Variants in RIF1 observed in about 807,000 individuals in gnomAD.
RIF1 encodes replication timing regulatory factor 1, also known as telomere-associated protein RIF1.
In RIF1, 45 loss-of-function variants were observed where a neutral mutation model predicts 247.1. That is an observed-to-expected ratio of 0.18 (90% CI 0.14 to 0.23). The LOEUF (loss-of-function observed/expected upper bound fraction) is 0.23, where lower values mean the gene tolerates loss of function less well. Ranked by LOEUF, RIF1 falls within the 10% of genes least tolerant of loss-of-function variation. The pLI is 1.00. For missense variants in RIF1, 2,967 were observed against 2,862.5 expected (o/e 1.04, Z -0.83); for synonymous variants, 1,087 against 978.8 (o/e 1.11, Z -2.06).
the RIF1 span, chr2:151,524,299 C>CAT: frequency 6.2e-7 from 1 of 1,607,708 alleles, no homozygotes; most frequent in African/African-American, 1.3e-5. Flanking sequence ...CCAGTGCACC[C>CAT]ATCTGCATTA....
Position 151,465,126 on chromosome 2 carries a change from C to T in RIF1, c.5606C>T (p.Ser1869Leu), listed in dbSNP as rs762531869. 20 of 1,612,416 alleles carry T rather than the reference C, an allele frequency of 1.2e-5. No individual in the cohort carries two copies. The highest frequency in any genetic ancestry group is 1.2e-4 in the African/African-American group (9 of 74,588). Residue 1869 changes from serine (S) to leucine (L), a missense_variant, in exon 30 of 36, where the codon TCG becomes TTG. Ser to Leu is a moderately radical substitution (Grantham distance 145). Transcript: ENST00000444746. ...ACTGTTGGCCCGTGTTTAGGAGACT[C>T]GAAAAATGTTTCACAGGAATCTTTG... ...FKTVGPCLGD[S>L]KNVSQESLET...
rs562180113 is a variant in RIF1 at position 151,457,696 on chromosome 2, G to A, written c.2653-65G>A. On this transcript the variant is annotated intron_variant, in intron 23 of 35. Transcript: ENST00000444746. The stretch of plus-strand genomic sequence containing the variant: ...TGTCTTAATTTTAAAAATTGAAATA[G>A]CAACATATATTCTGTGAGTTAATAT... 2.2e-5 allele frequency: 26 copies of A among 1,202,198 alleles called. No individual in the cohort carries two copies. In the Admixed American group the frequency reaches 3.5e-4, roughly 16 times the overall value. 74.5% of individuals were successfully genotyped at this position (1,202,198 alleles called of 1,614,324 possible). A position where few individuals can be genotyped will look rare whatever the true frequency, so the allele number is the denominator to read the frequency against.
chr2:151,458,684 AC>A (rs1695635007), intron 24 of RIF1, 126 bp from the exon 25 acceptor site: 1 of 467,050 alleles, frequency 2.1e-6, no homozygotes, highest in South Asian at 5.2e-5. Context: ...ATAGTAAGGA[AC>A]AGTCTTTATT....
chr2:151,513,514 G>A, the RIF1 span: 1 of 1,147,808 alleles, frequency 8.7e-7, no homozygotes, highest in East Asian at 2.5e-5. Context: ...ATGACAGAGG[G>A]ACACTTTATG....
chr2:151,425,955 AG>A (rs1411828281), intron 8 of RIF1, among the ~76,000 whole-genome samples: 1 of 151,700 alleles, frequency 6.6e-6, no homozygotes, highest in African/African-American at 2.4e-5. Context: ...CTGGGATTGC[AG>A]GCGTGAGCCA....
At position 151,460,082 on chromosome 2, in the gene RIF1, C is replaced by CA; in HGVS notation, c.3041dup (p.Asn1015GlufsTer2). ...AAAAGAGATTCATTTTTGGCACAAA[C>CA]AAAGAATAAAAAAGAAAATATGAAA... is the stretch of plus-strand genomic sequence containing the variant. On this transcript the variant is annotated frameshift_variant, in exon 26 of 36. Transcript: ENST00000444746. LOFTEE classifies it high-confidence loss of function. 1 of 1,568,802 alleles carries CA rather than the reference C, an allele frequency of 6.4e-7. No homozygotes were observed. The highest frequency in any genetic ancestry group is 2.3e-5 in the East Asian group (1 of 43,748).
chr2:151,517,154 G>A, the RIF1 span, among the ~76,000 whole-genome samples: 1 of 152,132 alleles, frequency 6.6e-6, no homozygotes, highest in Non-Finnish European at 1.5e-5. Context: ...TAAAAAACCT[G>A]ACAGTCTCAA....
Position 151,442,005 on chromosome 2 carries a change from A to C in RIF1, c.1734+14A>C. The C allele has an allele frequency of 1.8e-6, 2 of 1,119,696 alleles. No homozygotes were observed. The allele number at this position is 1,119,696 out of a possible 1,614,324, so 69.4% of individuals were successfully genotyped here. A position where few individuals can be genotyped will look rare whatever the true frequency, so the allele number is the denominator to read the frequency against. On this transcript the variant is annotated intron_variant, in intron 16 of 35. Coordinates refer to ENST00000444746, the MANE Select transcript of RIF1 (RefSeq NM_018151.5). The stretch of plus-strand genomic sequence containing the variant: ...GATATTCTTAATGCAAGTATCTTAA[A>C]TGTAATATGATGAAGATTGGCCAAA...
intron 9 of RIF1, chr2:151,493,748 A>G: frequency 6.8e-7 from 1 of 1,470,004 alleles, no homozygotes; most frequent in South Asian, 1.2e-5. Flanking sequence ...TAAGATTTTA[A>G]GGATTTATTT....
At chr2:151,456,496 C>G in intron 22 of RIF1, 82 bp from the exon 23 acceptor site, 1 of 753,184 alleles carries the variant, frequency 1.3e-6, no homozygotes, top group Non-Finnish European at 2.2e-6. Context: ...GTCTTTATTA[C>G]CTTTTTCTTA....
intron 10 of RIF1, among the ~76,000 whole-genome samples, chr2:151,433,629 T>C (rs932849012): frequency 1.3e-5 from 2 of 151,926 alleles, no homozygotes; most frequent in Non-Finnish European, 2.9e-5. Context: ...ATTTTTTGTA[T>C]TTTTTAGTGT....
chr2:151,532,839 CTT>C, the RIF1 span, among the ~76,000 whole-genome samples: 211 of 152,148 alleles, frequency 1.4e-3, no homozygotes, highest in African/African-American at 4.8e-3. Context: ...TCAAATTTAC[CTT>C]TCAGCATGTG....
chr2:151,414,211 G>A (rs1686791241), intron 3 of RIF1, among the ~76,000 whole-genome samples: 1 of 151,826 alleles, frequency 6.6e-6, no homozygotes, highest in Non-Finnish European at 1.5e-5. Flanking sequence ...TCTTGAACCT[G>A]GGAAGCAGAG....
intron 11 of RIF1, chr2:151,502,913 G>T: frequency 7.2e-7 from 1 of 1,392,024 alleles, no homozygotes; most frequent in Non-Finnish European, 1.0e-6. Context: ...GTACCCAGAG[G>T]ACATTTAAAA....
In RIF1 at chr2:151,437,363, T is replaced by G. The variant is rs766618003; in HGVS notation, c.1483+12T>G. The G allele has an allele frequency of 6.3e-7, 1 of 1,580,102 alleles. No individual in the cohort carries two copies. The highest frequency in any genetic ancestry group is 1.7e-5 in the Admixed American group (1 of 59,878). On this transcript the variant is annotated intron_variant, in intron 13 of 35. Transcript: ENST00000444746. ...AAAAGATGCCCCCGGTAAGAGAATT[T>G]GATTTATTATTTGCTCAAATGTGTG...
Position 151,468,680 on chromosome 2 carries a change from G to A in RIF1, c.6865G>A (p.Glu2289Lys), listed in dbSNP as rs1351331382. 1.9e-6 allele frequency: 3 copies of A among 1,613,936 alleles called. No individual in the cohort carries two copies. The African/African-American group carries it at 4.0e-5, about 22-fold the overall frequency. Residue 2289 changes from glutamate (E) to lysine (K), a missense_variant, in exon 33 of 36, where the codon GAA becomes AAA. Physicochemically the swap from Glu to Lys is moderately conservative, Grantham distance 56 (BLOSUM62 1). This residue lies in a region of RIF1 where 2,028 missense variants were observed against 1,825.6 expected (regional missense o/e 1.11). Coordinates refer to ENST00000444746, the MANE Select transcript of RIF1 (RefSeq NM_018151.5). ...MAKESIPCPTESVYPPLVNCV... is the reference protein window; with the variant it reads ...MAKESIPCPTKSVYPPLVNCV... ...CAAAGAATCCATACCATGCCCAACA[G>A]AAAGTGTTTACCCACCATTGGTGAA...
downstream of RIF1, among the ~76,000 whole-genome samples, chr2:151,508,601 C>T (rs189056008): frequency 3.9e-5 from 6 of 152,326 alleles, no homozygotes; most frequent in Admixed American, 3.3e-4. Context: ...GCGGTCAGGG[C>T]TCCCAGCTAT....
chr2:151,529,275 A>T, the RIF1 span: 1 of 1,613,604 alleles, frequency 6.2e-7, no homozygotes, highest in Admixed American at 1.7e-5. Flanking sequence ...TCAATGGTGC[A>T]GTTGGATTTA....
chr2:151,505,110 A>G (rs553886802), intron 12 of RIF1, among the ~76,000 whole-genome samples: 284 of 152,318 alleles, frequency 1.9e-3, no homozygotes, highest in African/African-American at 6.6e-3. Flanking sequence ...TATACTACTT[A>G]TATGTTTATA....
Sources: allele counts gnomAD v4.1 joint callset (sites outside exome capture counted in the v4.1 genomes callset), GRCh38; gene constraint gnomAD v4.1.1; regional missense constraint gnomAD v4.1.1; transcripts MANE v1.5; gene names NCBI Gene and HGNC (gene_info 2026-07-23, HGNC 2026-07-21).